The following LDLRAD4 variants were observed in gnomAD, a reference collection of about 807,000 sequenced individuals.
LDLRAD4 encodes low density lipoprotein receptor class A domain containing 4, also known as low-density lipoprotein receptor class A domain-containing protein 4.
Under a neutral mutation model 17.0 loss-of-function variants are expected in LDLRAD4, and 5 were observed. The ratio of observed to expected loss-of-function variants is 0.29; its 90% CI spans 0.15 to 0.62. The LOEUF is 0.62. LDLRAD4 is among the 20% of genes least tolerant of loss of function. The pLI, the probability that LDLRAD4 is intolerant of heterozygous loss-of-function variation, is 0.84. For missense variants in LDLRAD4, 340 were observed against 424.7 expected, an observed-to-expected ratio of 0.80 and a Z score of 1.75; for synonymous variants, 168 against 171.8, an observed-to-expected ratio of 0.98 and a Z score of 0.17.
At chr18:13,276,770 G>C (rs1365030626), upstream of LDLRAD4, among the ~76,000 whole-genome samples, 2 of 152,120 alleles carry the variant, frequency 1.3e-5, no homozygotes, top group Non-Finnish European at 2.9e-5. Flanking sequence ...CATTCTTTGT[G>C]GTATTCGGTT....
intron 1 of LDLRAD4, among the ~76,000 whole-genome samples, chr18:13,368,515 C>G (rs1414873674): frequency 6.6e-6 from 1 of 152,142 alleles, no homozygotes; most frequent in Non-Finnish European, 1.5e-5. Context: ...AGGCATAAAG[C>G]AGCTTTCCCA....
At chr18:13,458,952 A>G (rs1300118) in intron 3 of LDLRAD4, among the ~76,000 whole-genome samples, 1 of 152,132 alleles carries the variant, frequency 6.6e-6, no homozygotes, top group Non-Finnish European at 1.5e-5. Context: ...CAGCTCTGCC[A>G]CCTCCTTGAT....
chr18:13,634,773 C>CAAA (rs202132523), intron 4 of LDLRAD4, among the ~76,000 whole-genome samples: 2 of 122,116 alleles, frequency 1.6e-5, no homozygotes, highest in African/African-American at 3.0e-5. Flanking sequence ...ACAATAATCT[C>CAAA]AAAAAAAAAA....
At chr18:13,262,186 G>A (rs1282080760) in intron 1 of LDLRAD4, among the ~76,000 whole-genome samples, 1 of 135,690 alleles carries the variant, frequency 7.4e-6, no homozygotes, top group East Asian at 2.3e-4. Context: ...GTGTGGCCCT[G>A]TGCATGGAAA....
intron 1 of LDLRAD4, among the ~76,000 whole-genome samples, chr18:13,221,719 G>A (rs991605647): frequency 6.6e-6 from 1 of 152,208 alleles, no homozygotes; most frequent in African/African-American, 2.4e-5. Flanking sequence ...ACATATCCAT[G>A]TGATTTAAGA....
Position 13,280,312 on chromosome 18 carries a change from A to G in LDLRAD4, c.-383+2124A>G, listed in dbSNP as rs567762737. Among the ~76,000 whole-genome samples the G allele has an allele frequency of 5.3e-5, 8 of 152,342 alleles. 1 individual carries two copies. The East Asian group carries it at 7.7e-4, about 15-fold the overall frequency. On this transcript the variant is annotated intron_variant, in intron 1 of 5. Coordinates refer to ENST00000359446, the Ensembl canonical transcript of LDLRAD4. ...TTACCTTGGCAAGTCCTAACCCTCT[A>G]TGAGTCTCAGCTTTTCTCATCTTTA...
chr18:13,536,966 A>G (rs1265328574), intron 3 of LDLRAD4, among the ~76,000 whole-genome samples: 1 of 152,214 alleles, frequency 6.6e-6, no homozygotes, highest in African/African-American at 2.4e-5. Flanking sequence ...CATGTTTGGG[A>G]TAAATCCCAT....
Position 13,612,660 on chromosome 18 carries a change from G to A in LDLRAD4, c.182-8457G>A, listed in dbSNP as rs747829357. The A allele has an allele frequency of 8.1e-6, 13 of 1,613,480 alleles. No homozygotes were observed. In the African/African-American group the frequency reaches 1.3e-4, roughly 17 times the overall value. ...AGCTGAAGGGATGCTTTGAACGTGG[G>A]GGGGCTGCGTCACAGTTGGACTCCC... On this transcript the variant is annotated intron_variant, in intron 3 of 5. Transcript: ENST00000359446.
At position 13,349,527 on chromosome 18, in the gene LDLRAD4, A is replaced by G. The variant is rs146483338; in HGVS notation, c.-382-37814A>G. Among the ~76,000 whole-genome samples the G allele has an allele frequency of 3.9e-5, 6 of 152,218 alleles. No individual in the cohort carries two copies. In the East Asian group the frequency reaches 1.2e-3, roughly 29 times the overall value. On this transcript the variant is annotated intron_variant, in intron 1 of 5. Coordinates refer to ENST00000359446, the Ensembl canonical transcript of LDLRAD4. ...TTACTGTCTAGTGTCCTTTCATTTC[A>G]TACCCTTTAGCATTTCTTGTAGGGT...
intron 3 of LDLRAD4, among the ~76,000 whole-genome samples, chr18:13,559,681 A>G (rs746746776): frequency 1.3e-5 from 2 of 152,192 alleles, no homozygotes; most frequent in Non-Finnish European, 1.5e-5. Flanking sequence ...GCTATTTGTT[A>G]TTTCTTCTGT....
Position 13,293,909 on chromosome 18 carries a change from A to G in LDLRAD4, c.-383+15721A>G, listed in dbSNP as rs1361641404. Among the ~76,000 whole-genome samples the G allele has an allele frequency of 5.9e-5, 9 of 152,240 alleles. No homozygotes were observed. The South Asian group carries it at 1.9e-3, about 32-fold the overall frequency. On this transcript the variant is annotated intron_variant, in intron 1 of 5. Coordinates refer to ENST00000359446, the Ensembl canonical transcript of LDLRAD4. ...TTCCTGGCACTGTCCAACCTTAGGG[A>G]TCACATAGGAGTCAGGCTCACAGGC...
intron 3 of LDLRAD4, among the ~76,000 whole-genome samples, chr18:13,477,032 G>A (rs1369671724): frequency 1.3e-5 from 2 of 152,164 alleles, no homozygotes; most frequent in Non-Finnish European, 2.9e-5. Context: ...GTTTGAATTT[G>A]ACCTCACAAT....
chr18:13,525,210 C>T (rs2065517704), intron 3 of LDLRAD4, among the ~76,000 whole-genome samples: 1 of 152,202 alleles, frequency 6.6e-6, no homozygotes, highest in Non-Finnish European at 1.5e-5. Flanking sequence ...TTATTTTGAC[C>T]TTCAGCAAAT....
chr18:13,376,926 G>A (rs186385960), intron 1 of LDLRAD4, among the ~76,000 whole-genome samples: 1 of 152,356 alleles, frequency 6.6e-6, no homozygotes, highest in East Asian at 1.9e-4. Flanking sequence ...GGTGGGGTTT[G>A]TGGCCCCATT....
chr18:13,537,098 A>G (rs1174477866), intron 3 of LDLRAD4, among the ~76,000 whole-genome samples: 6 of 152,126 alleles, frequency 3.9e-5, no homozygotes, highest in Non-Finnish European at 5.9e-5. Context: ...TTCTTATGAT[A>G]TGTTTATCTG....
At chr18:13,220,548 T>C (rs2041391824) in intron 1 of LDLRAD4, among the ~76,000 whole-genome samples, 2 of 152,360 alleles carry the variant, frequency 1.3e-5, no homozygotes, top group African/African-American at 4.8e-5. Flanking sequence ...TTGAGACTCC[T>C]GCACCCCACC....
At chr18:13,585,474 T>C (rs1391466240) in intron 3 of LDLRAD4, 3 of 152,202 alleles carry the variant, frequency 2.0e-5, no homozygotes, top group African/African-American at 4.8e-5. Flanking sequence ...GCCACACTTA[T>C]TAATGCACTA....
At chr18:13,364,412 A>G (rs1043965531) in intron 1 of LDLRAD4, among the ~76,000 whole-genome samples, 1 of 152,212 alleles carries the variant, frequency 6.6e-6, no homozygotes, top group East Asian at 1.9e-4. Context: ...GTCATAGCTC[A>G]CTGCATCCTC....
At chr18:13,400,465 T>A (rs1321034578) in intron 2 of LDLRAD4, among the ~76,000 whole-genome samples, 1 of 152,204 alleles carries the variant, frequency 6.6e-6, no homozygotes, top group African/African-American at 2.4e-5. Flanking sequence ...ACTGGGCTGC[T>A]GGGTGTGGGG....
Sources: gnomAD v4.1 joint callset for allele counts (sites outside exome capture counted in the v4.1 genomes callset) on GRCh38, gnomAD v4.1.1 for gene constraint, MANE v1.5 for transcripts, NCBI Gene and HGNC (gene_info 2026-07-23, HGNC 2026-07-21) for gene names.